Variants in DENND2C observed in about 807,000 individuals in gnomAD.
DENND2C encodes DENN domain-containing protein 2C.
In DENND2C, 72 loss-of-function variants were observed where a neutral mutation model predicts 112.4. That is an observed-to-expected ratio of 0.64 (90% CI 0.53 to 0.78). The LOEUF (loss-of-function observed/expected upper bound fraction) is 0.78. DENND2C is among the 30% of genes least tolerant of loss of function. DENND2C has a pLI of 0.00. For missense variants in DENND2C, 992 were observed against 1,113.8 expected, an observed-to-expected ratio of 0.89 and a Z score of 1.56; for synonymous variants, 329 against 381.6, an observed-to-expected ratio of 0.86 and a Z score of 1.61.
At chr1:114,607,549 G>A (rs1386787755) in intron 10 of DENND2C, among the ~76,000 whole-genome samples, 1 of 152,180 alleles carries the variant, frequency 6.6e-6, no homozygotes, top group Non-Finnish European at 1.5e-5. Flanking sequence ...ACTATGCAAA[G>A]CAAAAGAAAC....
chr1:114,602,199 A>C lies in DENND2C; in HGVS notation c.1668-5T>G. On this transcript the variant is annotated splice_region_variant and splice_polypyrimidine_tract_variant and intron_variant, in intron 11 of 20. Coordinates refer to ENST00000393274, the MANE Select transcript of DENND2C (RefSeq NM_001256404.2). ...AAGACAAAGGAGAATGTTTCACTGA[A>C]AAAAGAGCCAATAGTTAGTTTAGGA... 6.2e-7 allele frequency: 1 copy of C among 1,613,242 alleles called. No individual in the cohort carries two copies. Among genetic ancestry groups the C allele is most frequent in the Admixed American group, 1.7e-5 (1 of 59,946 alleles).
intron 8 of DENND2C, among the ~76,000 whole-genome samples, chr1:114,614,829 G>A (rs375338411): frequency 6.6e-6 from 1 of 152,066 alleles, no homozygotes; most frequent in Non-Finnish European, 1.5e-5. Context: ...TGGCCAACGT[G>A]GTGAAACCTT....
chr1:114,655,400 G>A (rs886345778), intron 1 of DENND2C, among the ~76,000 whole-genome samples: 4 of 152,106 alleles, frequency 2.6e-5, no homozygotes, highest in South Asian at 2.1e-4. Flanking sequence ...AACTAAGAGC[G>A]CATTCCTGGC....
intron 3 of DENND2C, among the ~76,000 whole-genome samples, chr1:114,626,667 C>T (rs892493306): frequency 1.8e-4 from 28 of 151,862 alleles, no homozygotes. Flanking sequence ...CATGCCACCA[C>T]ACCCAACTAA....
rs147818963 is a variant in DENND2C, at chr1:114,644,517, G to C, written c.-205+931C>G. ...TTACTTTAAGTGCCTCCAATGATTT[G>C]AAGCTGCCCCATTTGTAGAATGGGG... On this transcript the variant is annotated intron_variant, in intron 3 of 20. Coordinates refer to ENST00000393274, the MANE Select transcript of DENND2C (RefSeq NM_001256404.2). Among the ~76,000 whole-genome samples, 137 of 152,264 alleles carry C rather than the reference G, an allele frequency of 9.0e-4. 1 individual carries two copies. Among genetic ancestry groups the C allele is most frequent in the African/African-American group, 3.2e-3 (132 of 41,564 alleles).
At chr1:114,635,027 A>G in intron 3 of DENND2C, among the ~76,000 whole-genome samples, 1 of 85,324 alleles carries the variant, frequency 1.2e-5, no homozygotes, top group Non-Finnish European at 3.5e-5. Flanking sequence ...GACTCCGTCT[A>G]AAAAAAAAAA....
chr1:114,621,732 C>T (rs991977586), intron 7 of DENND2C, among the ~76,000 whole-genome samples, 163 bp downstream of exon 7: 2 of 152,210 alleles, frequency 1.3e-5, no homozygotes, highest in African/African-American at 2.4e-5. Flanking sequence ...TCATGCACTT[C>T]TCTAGCATGA....
chr1:114,600,096 A>ATTAT, intron 15 of DENND2C, 108 bp downstream of exon 15: 1 of 1,261,598 alleles, frequency 7.9e-7, no homozygotes, highest in East Asian at 2.6e-5. Flanking sequence ...GTGCACATGT[A>ATTAT]CCCTAGAACT....
At chr1:114,590,041 A>C (rs1655142426) in intron 18 of DENND2C, among the ~76,000 whole-genome samples, 1 of 152,224 alleles carries the variant, frequency 6.6e-6, no homozygotes, top group South Asian at 2.1e-4. Flanking sequence ...TGAACGGTAT[A>C]CAAAATATTG....
chr1:114,644,930 T>C (rs1048089555), intron 3 of DENND2C, among the ~76,000 whole-genome samples: 2 of 152,134 alleles, frequency 1.3e-5, no homozygotes, highest in African/African-American at 4.8e-5. Context: ...TATAATAATA[T>C]CATGAACATT....
At position 114,611,101 on chromosome 1, in the gene DENND2C, G is replaced by A. The variant is rs146250607; in HGVS notation, c.1341C>T (p.Asn447=). 8.3e-3 allele frequency: 13,379 copies of A among 1,614,036 alleles called. 78 individuals carry two copies. The highest frequency in any genetic ancestry group is 9.4e-3 in the Non-Finnish European group (11,081 of 1,179,962). ...LPPTKGETSG[N]ESDAEYLPKN... ...TTGGCAGATACTCGGCATCACTTTC[G>A]TTCCCACTGGTTTCACCTGAAAAGA... is the stretch of plus-strand genomic sequence containing the variant. Residue 447 remains asparagine (N), a synonymous_variant, in exon 9 of 21, where the codon AAC becomes AAT. Transcript: ENST00000393274.
At chr1:114,632,643 G>A (rs1469011856) in intron 3 of DENND2C, among the ~76,000 whole-genome samples, 2 of 152,146 alleles carry the variant, frequency 1.3e-5, no homozygotes, top group Non-Finnish European at 2.9e-5. Flanking sequence ...TTGAAAATGT[G>A]AGATCCCTGT....
intron 1 of DENND2C, among the ~76,000 whole-genome samples, chr1:114,661,662 A>G (rs1657495110): frequency 6.6e-6 from 1 of 152,206 alleles, no homozygotes; most frequent in African/African-American, 2.4e-5. Flanking sequence ...CATATTTTAA[A>G]TAATCTTCAT....
intron 4 of DENND2C, among the ~76,000 whole-genome samples, chr1:114,624,745 C>A (rs1656282943): frequency 6.6e-6 from 1 of 151,828 alleles, no homozygotes; most frequent in Non-Finnish European, 1.5e-5. Context: ...CCTCAGCATC[C>A]CATATAGCTG....
intron 1 of DENND2C, among the ~76,000 whole-genome samples, chr1:114,668,318 T>C (rs1657700560): frequency 6.6e-6 from 1 of 152,164 alleles, no homozygotes; most frequent in African/African-American, 2.4e-5. Flanking sequence ...AAAAATTACA[T>C]TCACTAGTAA....
chr1:114,635,026 T>TAAAAAAAAAA (rs374636363), intron 3 of DENND2C, among the ~76,000 whole-genome samples: 16 of 94,598 alleles, frequency 1.7e-4, no homozygotes, highest in South Asian at 3.5e-4. Flanking sequence ...AGACTCCGTC[T>TAAAAAAAAAA]AAAAAAAAAA....
At chr1:114,649,141 G>A (rs1039256370) in intron 2 of DENND2C, among the ~76,000 whole-genome samples, 1 of 151,776 alleles carries the variant, frequency 6.6e-6, no homozygotes, top group Non-Finnish European at 1.5e-5. Flanking sequence ...TTTTAGTAGA[G>A]ACAGGGTTTC....
intron 4 of DENND2C, among the ~76,000 whole-genome samples, 197 bp downstream of exon 4, chr1:114,624,982 A>G (rs1204110939): frequency 6.6e-6 from 1 of 152,200 alleles, no homozygotes; most frequent in Non-Finnish European, 1.5e-5. Flanking sequence ...TCTTATGTCA[A>G]CAGATTATCT....
At chr1:114,592,995 A>T (rs527299247) in intron 18 of DENND2C, among the ~76,000 whole-genome samples, 2 of 151,356 alleles carry the variant, frequency 1.3e-5, no homozygotes, top group African/African-American at 4.9e-5. Flanking sequence ...TTTGTTTTTT[A>T]TTTTTCTTTT....
Sources: allele counts gnomAD v4.1 joint callset (sites outside exome capture counted in the v4.1 genomes callset), GRCh38; gene constraint gnomAD v4.1.1; transcripts MANE v1.5; gene names NCBI Gene and HGNC (gene_info 2026-07-23, HGNC 2026-07-21).